Variants in MUSK observed in about 807,000 individuals in gnomAD.
MUSK encodes muscle associated receptor tyrosine kinase.
Under a neutral mutation model 88.7 loss-of-function variants are expected in MUSK, and 55 were observed. The observed-to-expected ratio is 0.62, with a 90% confidence interval of 0.50 to 0.78. The LOEUF (loss-of-function observed/expected upper bound fraction) is 0.78. Among genes scored for constraint, MUSK ranks in the 30% least tolerant of loss-of-function variants. The probability of loss-of-function intolerance (pLI) is 0.00; values close to 1 mark genes in which losing one functional copy is unlikely to be tolerated. For missense variants in MUSK, 1,015 were observed against 1,074.3 expected, an observed-to-expected ratio of 0.94 and a Z score of 0.77; for synonymous variants, 387 against 391.9, an observed-to-expected ratio of 0.99 and a Z score of 0.15.
chr9:110,705,916 T>A (rs2076592849), intron 5 of MUSK, among the ~76,000 whole-genome samples: 1 of 152,166 alleles, frequency 6.6e-6, no homozygotes, highest in African/African-American at 2.4e-5. Flanking sequence ...ACCAGAGAAA[T>A]CTACATATCA....
At chr9:110,675,562 C>CTTTTT (rs10607243) in intron 1 of MUSK, among the ~76,000 whole-genome samples, 2,126 of 61,640 alleles carry the variant, frequency 0.034, 61 homozygotes, top group Middle Eastern at 0.068. Flanking sequence ...ATAGTCTTCC[C>CTTTTT]TTTTTTTTTT....
chr9:110,692,957 C>T (rs2076378230), intron 3 of MUSK, among the ~76,000 whole-genome samples: 1 of 151,676 alleles, frequency 6.6e-6, no homozygotes, highest in African/African-American at 2.4e-5. Context: ...ATGGAGTGTT[C>T]AGTTAATTAG....
chr9:110,669,145 A>G (rs1266206012), intron 1 of MUSK, among the ~76,000 whole-genome samples, 162 bp downstream of exon 1: 1 of 152,188 alleles, frequency 6.6e-6, no homozygotes, highest in East Asian at 1.9e-4. Context: ...TACATAAGCA[A>G]TTGGTTGATG....
chr9:110,681,094 T>TTATATAATATATATTA (rs750784313), intron 1 of MUSK, among the ~76,000 whole-genome samples: 1 of 15,998 alleles, frequency 6.3e-5, no homozygotes, highest in Admixed American at 6.4e-4. Flanking sequence ...ATAATATATA[T>TTATATAATATATATTA]TATATAATAT....
chr9:110,689,709 A>ATATATTATATATAAATATAT (rs1259002278), intron 3 of MUSK, among the ~76,000 whole-genome samples: 1 of 55,306 alleles, frequency 1.8e-5, no homozygotes, highest in African/African-American at 8.4e-5. Flanking sequence ...ATAAATATAT[A>ATATATTATATATAAATATAT]ACTATATATG....
chr9:110,806,283 C>A lies in MUSK; in HGVS notation c.*5295C>A, dbSNP rs1256174085. 1.3e-5 allele frequency among the ~76,000 whole-genome samples: 2 copies of A among 152,128 alleles called. No homozygotes were observed. Among genetic ancestry groups the A allele is most frequent in the African/African-American group, 4.8e-5 (2 of 41,440 alleles). ...ATGTTATATTGTTTATCACAACTTT[C>A]ACAAATATTTCTAAATAAAGGTTAC... On this transcript the variant is annotated 3_prime_UTR_variant, in exon 15 of 15. Transcript: ENST00000374448.
At chr9:110,680,383 C>CTTTTTTTTTTTT in intron 1 of MUSK, among the ~76,000 whole-genome samples, 1 of 141,616 alleles carries the variant, frequency 7.1e-6, no homozygotes, top group Non-Finnish European at 1.5e-5. Context: ...TTCTTTTTTT[C>CTTTTTTTTTTTT]TTTTTTTTTT....
Position 110,804,219 on chromosome 9 carries a change from A to T in MUSK, c.*3231A>T, listed in dbSNP as rs1258414410. Reference sequence around the variant, plus strand: ...TTTTCCAATTTTTATCATTATAAAAAATGCTGTAATTAACATCCTTATTTG... The same window carrying T: ...TTTTCCAATTTTTATCATTATAAAATATGCTGTAATTAACATCCTTATTTG... On this transcript the variant is annotated 3_prime_UTR_variant, in exon 15 of 15. Coordinates refer to ENST00000374448, the MANE Select transcript of MUSK (RefSeq NM_005592.4). 6.6e-6 allele frequency among the ~76,000 whole-genome samples: 1 copy of T among 152,186 alleles called. No homozygotes were observed. The highest frequency in any genetic ancestry group is 6.5e-5 in the Admixed American group (1 of 15,284).
chr9:110,762,471 T>A (rs1240051956), intron 8 of MUSK, among the ~76,000 whole-genome samples: 1 of 152,340 alleles, frequency 6.6e-6, no homozygotes, highest in South Asian at 2.1e-4. Context: ...ATACTTACTA[T>A]GGATCGGGCA....
In MUSK at chr9:110,687,120, C is replaced by CT; in HGVS notation, c.213dup (p.Asp72Ter). On this transcript the variant is annotated frameshift_variant, in exon 3 of 15. Transcript: ENST00000374448. LOFTEE classifies it high-confidence loss of function. ...CATTTTTTTCTGTGACCTGCAGACT[C>CT]TTTGACACCCGGTACAGCATCCGGG... 1 of 1,612,802 alleles carries CT rather than the reference C, an allele frequency of 6.2e-7. No homozygotes were observed. Among genetic ancestry groups the CT allele is most frequent in the South Asian group, 1.1e-5 (1 of 90,928 alleles).
At position 110,682,563 on chromosome 9, in the gene MUSK, T is replaced by C. The variant is rs181715154; in HGVS notation, c.80-111T>C. ...TTCCTTTCTTTTGGCAAATTTCTACTCTGGGGAAACAGAATTCTCATTCAG... is the reference window on the plus strand; with the variant it reads ...TTCCTTTCTTTTGGCAAATTTCTACCCTGGGGAAACAGAATTCTCATTCAG... On this transcript the variant is annotated intron_variant, in intron 1 of 14. Coordinates refer to ENST00000374448, the MANE Select transcript of MUSK (RefSeq NM_005592.4). 3.1e-4 allele frequency: 343 copies of C among 1,109,334 alleles called. 2 individuals carry two copies. In the African/African-American group the frequency reaches 4.9e-3, roughly 16 times the overall value. 68.7% of individuals were successfully genotyped at this position (1,109,334 alleles called of 1,614,324 possible). A position where few individuals can be genotyped will look rare whatever the true frequency, so the allele number is the denominator to read the frequency against.
chr9:110,676,859 T>C (rs1564206633), intron 1 of MUSK, among the ~76,000 whole-genome samples: 1 of 152,172 alleles, frequency 6.6e-6, no homozygotes, highest in South Asian at 2.1e-4. Context: ...GCAGTGAACA[T>C]AGGTGTGCAT....
At position 110,697,465 on chromosome 9, in the gene MUSK, G is replaced by T. The variant is rs754060972; in HGVS notation, c.627G>T (p.Glu209Asp). 6.2e-7 allele frequency: 1 copy of T among 1,608,450 alleles called. No individual in the cohort carries two copies. Among genetic ancestry groups the T allele is most frequent in the East Asian group, 2.2e-5 (1 of 44,636 alleles). Residue 209 changes from glutamate (E) to aspartate (D), a missense_variant and splice_region_variant, in exon 5 of 15, where the codon GAG becomes GAT. Transcript: ENST00000374448. ...CCAAAGTGGTGAAGCTGGAAGTTGA[G>T]GGTAAGGAGCTGCATTTCTTCCCCT... The part of the protein sequence containing the change: ...AYSKVVKLEV[E>D]VFARILRAPE...
chr9:110,774,033 A>G (rs2077624494), intron 9 of MUSK, among the ~76,000 whole-genome samples: 1 of 152,114 alleles, frequency 6.6e-6, no homozygotes. Context: ...ATGTTTTCTT[A>G]TACCACATCT....
At chr9:110,678,145 T>C (rs920994952) in intron 1 of MUSK, among the ~76,000 whole-genome samples, 1 of 152,182 alleles carries the variant, frequency 6.6e-6, no homozygotes, top group African/African-American at 2.4e-5. Context: ...AAGGTCTTTC[T>C]CTGTCACCCA....
At chr9:110,682,918 A>C (rs1409701608) in intron 2 of MUSK, 118 bp downstream of exon 2, 1 of 656,612 alleles carries the variant, frequency 1.5e-6, no homozygotes, top group East Asian at 3.0e-5. Flanking sequence ...ATGTAAAATA[A>C]GTACCTCATG....
chr9:110,763,742 C>G (rs1388129739), intron 8 of MUSK, among the ~76,000 whole-genome samples: 1 of 152,142 alleles, frequency 6.6e-6, no homozygotes, highest in Non-Finnish European at 1.5e-5. Context: ...CCACTAGAGT[C>G]TTGGGGTTGT....
In MUSK at chr9:110,805,898, T is replaced by C. The variant is rs962088264; in HGVS notation, c.*4910T>C. On this transcript the variant is annotated 3_prime_UTR_variant, in exon 15 of 15. Coordinates refer to ENST00000374448, the MANE Select transcript of MUSK (RefSeq NM_005592.4). ...TCTCTGTTAGAGTTTTGTATTGGCA[T>C]TAGCATTTGTATTAGCATTGTATTA... 1.3e-5 allele frequency among the ~76,000 whole-genome samples: 2 copies of C among 152,058 alleles called. No individual in the cohort carries two copies. Among genetic ancestry groups the C allele is most frequent in the African/African-American group, 4.8e-5 (2 of 41,448 alleles).
At chr9:110,718,353 G>A (rs905539296) in intron 5 of MUSK, among the ~76,000 whole-genome samples, 1 of 151,980 alleles carries the variant, frequency 6.6e-6, no homozygotes, top group Non-Finnish European at 1.5e-5. Flanking sequence ...CTACTTCCAA[G>A]GAGAGCAGAG....
Sources: gnomAD v4.1 joint callset for allele counts (sites outside exome capture counted in the v4.1 genomes callset) on GRCh38, gnomAD v4.1.1 for gene constraint, MANE v1.5 for transcripts, NCBI Gene and HGNC (gene_info 2026-07-23, HGNC 2026-07-21) for gene names.